The following USP47 variants were observed in gnomAD, a reference collection of about 807,000 sequenced individuals.
USP47 encodes the protein ubiquitin specific peptidase 47.
USP47 carries 35 observed loss-of-function variants against 165.1 expected under a neutral mutation model. The observed-to-expected ratio is 0.21, with a 90% CI of 0.16 to 0.28. The LOEUF (loss-of-function observed/expected upper bound fraction) is 0.28, where lower values mean the gene tolerates loss of function less well. Ranked by LOEUF, USP47 falls within the 10% of genes least tolerant of loss-of-function variation. The pLI is 1.00. For missense variants in USP47, 1,277 were observed against 1,607.4 expected, an observed-to-expected ratio of 0.79 and a Z score of 3.52; for synonymous variants, 531 against 544.5, an observed-to-expected ratio of 0.98 and a Z score of 0.35.
chr11:11,855,074 G>A lies in USP47; in HGVS notation c.39+12850G>A, dbSNP rs181541435. Among the ~76,000 whole-genome samples the A allele has an allele frequency of 1.8e-3, 276 of 151,132 alleles. 1 individual carries two copies. Among genetic ancestry groups the A allele is most frequent in the Middle Eastern group, 0.017 (5 of 292 alleles). ...TGCATCACTGCACTCCAGCCTGGGC[G>A]ACAGAGCGAGACTCCGTCTCAGGAA... On this transcript the variant is annotated intron_variant, in intron 1 of 27. Coordinates refer to ENST00000527733, the MANE Select transcript of USP47 (RefSeq NM_001282659.2).
chr11:11,949,983 G>T lies in USP47; in HGVS notation c.3443G>T (p.Gly1148Val). The change falls in exon 23 of 28, where the codon GGT (glycine) becomes GTT (valine). Residue 1148 changes from glycine to valine, a missense_variant. This residue lies in a region of USP47 where 909 missense variants were observed against 1,068.1 expected (regional missense o/e 0.85). Coordinates refer to ENST00000527733, the MANE Select transcript of USP47 (RefSeq NM_001282659.2). ...ELIPQLREQC[G>V]LELSIDRFRL... The stretch of plus-strand genomic sequence containing the variant: ...ATTCCTCAGCTCAGGGAGCAATGTG[G>T]TTTAGAGCTCAGTATTGACAGGTAA... 2 of 1,611,898 alleles carry T rather than the reference G, an allele frequency of 1.2e-6. No homozygotes were observed. Among genetic ancestry groups the T allele is most frequent in the Non-Finnish European group, 8.5e-7 (1 of 1,178,698 alleles).
At chr11:11,873,702 T>A (rs1216693744) in intron 1 of USP47, 1 of 596,752 alleles carries the variant, frequency 1.7e-6, no homozygotes, top group Non-Finnish European at 2.5e-6. Flanking sequence ...CATATTTTAT[T>A]GCAAAAATGT....
At chr11:11,897,814 T>C in intron 5 of USP47, 121 bp downstream of exon 5, 2 of 636,790 alleles carry the variant, frequency 3.1e-6, no homozygotes, top group East Asian at 5.6e-5. Context: ...CCATAAGATA[T>C]AACTTCTTTC....
In USP47 at chr11:11,851,607, A is replaced by T. The variant is rs1169045958; in HGVS notation, c.39+9383A>T. Among the ~76,000 whole-genome samples the T allele has an allele frequency of 3.3e-5, 5 of 152,198 alleles. No homozygotes were observed. The East Asian group carries it at 9.6e-4, about 29-fold the overall frequency. On this transcript the variant is annotated intron_variant, in intron 1 of 27. Transcript: ENST00000527733. Reference sequence around the variant, plus strand: ...ATCAGAAGAAATTAACCTTAGTATAATATTATTAACTACACTACAGAATTT... The same window carrying T: ...ATCAGAAGAAATTAACCTTAGTATATTATTATTAACTACACTACAGAATTT...
At chr11:11,923,551 T>G (rs1174442208) in intron 11 of USP47, among the ~76,000 whole-genome samples, 4 of 152,152 alleles carry the variant, frequency 2.6e-5, no homozygotes, top group African/African-American at 7.2e-5. Context: ...GACCATTTTT[T>G]TCCACATATA....
intron 5 of USP47, among the ~76,000 whole-genome samples, chr11:11,900,864 A>G (rs1852181044): frequency 6.6e-6 from 1 of 152,220 alleles, no homozygotes; most frequent in Admixed American, 6.5e-5. Flanking sequence ...ATTTTACAGT[A>G]ATTCCTCCCT....
At chr11:11,854,259 G>C (rs1425287876) in intron 1 of USP47, among the ~76,000 whole-genome samples, 1 of 146,588 alleles carries the variant, frequency 6.8e-6, no homozygotes, top group Admixed American at 6.8e-5. Context: ...GAAAAATTCT[G>C]CTTCTTTATT....
chr11:11,938,319 G>C lies in USP47; in HGVS notation c.2140G>C (p.Val714Leu). The C allele has an allele frequency of 3.7e-6, 6 of 1,612,168 alleles. No homozygotes were observed. Among genetic ancestry groups the C allele is most frequent in the Non-Finnish European group, 5.1e-6 (6 of 1,178,810 alleles). The change falls in exon 18 of 28, where the codon GTT becomes CTT. Residue 714 changes from valine (V) to leucine (L), a missense_variant. By Grantham distance (32) the Val-to-Leu change is conservative. Transcript: ENST00000527733. ...AGAATCTGTAGCTGCTCCTATAACT[G>C]TTCGTGCTTACTTAAATCAGACAGT... ...KAESVAAPIT[V>L]RAYLNQTVTE...
intron 11 of USP47, among the ~76,000 whole-genome samples, chr11:11,925,750 T>G (rs2134642993): frequency 6.6e-6 from 1 of 152,292 alleles, no homozygotes; most frequent in East Asian, 1.9e-4. Flanking sequence ...CTTGCCTGAT[T>G]GCTGTGGCTA....
At chr11:11,887,911 TTCAC>T (rs975226635) in intron 3 of USP47, among the ~76,000 whole-genome samples, 4 of 151,072 alleles carry the variant, frequency 2.6e-5, no homozygotes, top group Admixed American at 1.3e-4. Flanking sequence ...ACTCAAGAAA[TTCAC>T]TCAAAACCAC....
At position 11,852,820 on chromosome 11, in the gene USP47, C is replaced by T. The variant is rs139340126; in HGVS notation, c.39+10596C>T. On this transcript the variant is annotated intron_variant, in intron 1 of 27. Transcript: ENST00000527733. ...GATTCTTAATGTTTTTGTCTCATGCCCCAAGCCAGTTTTGTACAAACCACA... is the reference window on the plus strand; with the variant it reads ...GATTCTTAATGTTTTTGTCTCATGCTCCAAGCCAGTTTTGTACAAACCACA... Among the ~76,000 whole-genome samples, 410 of 152,172 alleles carry T rather than the reference C, an allele frequency of 2.7e-3. 2 individuals carry two copies. Among genetic ancestry groups the T allele is most frequent in the Admixed American group, 6.9e-3 (105 of 15,284 alleles).
rs1856473102 is a variant in USP47 at position 11,955,051 on chromosome 11, C to T, written c.3780C>T (p.Pro1260=). ...CTTTTTAGGGTAGAGGAACATTTCC[C>T]TGTGATATTTCTGTCCTTGATATTC... ...IEFAKGRGTF[P]CDISVLDIHQ... is the part of the protein sequence containing the mutation. Residue 1260 remains proline, a synonymous_variant, in exon 27 of 28, where the codon CCC becomes CCT. Transcript: ENST00000527733. 4 of 1,613,352 alleles carry T rather than the reference C, an allele frequency of 2.5e-6. No homozygotes were observed. The highest frequency in any genetic ancestry group is 2.7e-5 in the African/African-American group (2 of 74,872).
Position 11,955,981 on chromosome 11 carries a change from G to A in USP47, c.3894-20G>A. 1 of 1,530,892 alleles carries A rather than the reference G, an allele frequency of 6.5e-7. No individual in the cohort carries two copies. Among genetic ancestry groups the A allele is most frequent in the Non-Finnish European group, 8.7e-7 (1 of 1,143,316 alleles). The allele number at this position is 1,530,892 out of a possible 1,614,324, so 94.8% of individuals were successfully genotyped here. On this transcript the variant is annotated intron_variant, in intron 27 of 27. Transcript: ENST00000527733. Reference sequence around the variant, plus strand: ...GGAGGGCTCTACTGGACTAATATGTGATTAATATTTTATATGTAGGGATAA... The same window carrying A: ...GGAGGGCTCTACTGGACTAATATGTAATTAATATTTTATATGTAGGGATAA...
Position 11,841,976 on chromosome 11 carries a change from A to T in USP47, c.-210A>T, listed in dbSNP as rs1848140827. 2 of 530,508 alleles carry T rather than the reference A, an allele frequency of 3.8e-6. No homozygotes were observed. The highest frequency in any genetic ancestry group is 6.6e-6 in the Non-Finnish European group (2 of 303,386). The allele number at this position is 530,508 out of a possible 1,614,324, so 32.9% of individuals were successfully genotyped here. A position where few individuals can be genotyped will look rare whatever the true frequency, so the allele number is the denominator to read the frequency against. ...CGGGCTGGGGGAGGGGCCGACGACG[A>T]AGGCGGCTGTGGTAGCGGCGGCGGC... On this transcript the variant is annotated 5_prime_UTR_variant, in exon 1 of 28. Transcript: ENST00000527733.
intron 1 of USP47, among the ~76,000 whole-genome samples, chr11:11,851,228 C>G (rs934277117): frequency 6.6e-6 from 1 of 152,046 alleles, no homozygotes; most frequent in South Asian, 2.1e-4. Flanking sequence ...ACCTAATTCC[C>G]CAGTTTTCAT....
chr11:11,906,768 C>G (rs1165797660), intron 8 of USP47, among the ~76,000 whole-genome samples: 1 of 151,860 alleles, frequency 6.6e-6, no homozygotes, highest in Non-Finnish European at 1.5e-5. Flanking sequence ...ATTTTTTAAC[C>G]TTATTTTGCT....
At chr11:11,947,923 T>G in intron 20 of USP47, 22 bp from the exon 21 acceptor site, 1 of 1,572,018 alleles carries the variant, frequency 6.4e-7, no homozygotes, top group Non-Finnish European at 8.6e-7. Flanking sequence ...TGTTCCTGTT[T>G]TGGTTTTTTT....
intron 14 of USP47, among the ~76,000 whole-genome samples, chr11:11,932,344 G>A (rs1854731613): frequency 6.6e-6 from 1 of 152,146 alleles, no homozygotes; most frequent in Admixed American, 6.5e-5. Flanking sequence ...GGCGAGGACA[G>A]ATGTCCAAAC....
intron 18 of USP47, among the ~76,000 whole-genome samples, chr11:11,939,973 ATCT>A (rs1439451608): frequency 6.6e-6 from 1 of 152,032 alleles, no homozygotes; most frequent in Admixed American, 6.6e-5. Flanking sequence ...TTCCCTACTA[ATCT>A]TCTCATTTTA....
Sources: allele counts gnomAD v4.1 joint callset (sites outside exome capture counted in the v4.1 genomes callset), GRCh38; gene constraint gnomAD v4.1.1; regional missense constraint gnomAD v4.1.1; transcripts MANE v1.5; gene names NCBI Gene and HGNC (gene_info 2026-07-23, HGNC 2026-07-21).